Variants in MTMR6 observed in about 807,000 individuals in gnomAD.
MTMR6 encodes phosphatidylinositol-3,5-bisphosphate 3-phosphatase MTMR6.
Under a neutral mutation model 80.1 loss-of-function variants are expected in MTMR6, and 47 were observed. That is an observed-to-expected ratio of 0.59 (90% CI 0.46 to 0.75). The LOEUF is 0.75. Among genes scored for constraint, MTMR6 ranks in the 30% least tolerant of loss-of-function variants. MTMR6 has a pLI of 0.00. For synonymous variants in MTMR6, 254 were observed against 253.0 expected (o/e 1.00, Z -0.04); for missense variants, 629 against 730.9 (o/e 0.86, Z 1.61).
At chr13:25,268,741 G>A (rs1190004445) in intron 2 of MTMR6, among the ~76,000 whole-genome samples, 1 of 152,152 alleles carries the variant, frequency 6.6e-6, no homozygotes, top group African/African-American at 2.4e-5. Flanking sequence ...TGCAGAGCAG[G>A]CAAGACCTGG....
rs1439904367 is a variant in MTMR6, at chr13:25,261,721, T to G, written c.673A>C (p.Ser225Arg). Residue 225 changes from serine (S) to arginine (R), a missense_variant, in exon 6 of 14, where the codon AGT becomes CGT. Ser to Arg is a moderately radical substitution (Grantham distance 110). Coordinates refer to ENST00000381801, the MANE Select transcript of MTMR6 (RefSeq NM_004685.5). Reference protein sequence around the residue: ...LEDEHLLQAISKANPVNRYMY... With the variant: ...LEDEHLLQAIRKANPVNRYMY... The stretch of plus-strand genomic sequence containing the variant: ...TAGCGATTGACTGGATTGGCTTTAC[T>G]AATGGCTTGAAGCAAATGTTCATCC... 1 of 1,613,910 alleles carries G rather than the reference T, an allele frequency of 6.2e-7. No homozygotes were observed. The highest frequency in any genetic ancestry group is 2.2e-5 in the East Asian group (1 of 44,846).
At chr13:25,285,389 G>T (rs1300264886) in intron 1 of MTMR6, among the ~76,000 whole-genome samples, 6 of 67,538 alleles carry the variant, frequency 8.9e-5, no homozygotes, top group South Asian at 6.2e-4. Context: ...ATTCTTTTCC[G>T]CCCCCCCCCC....
At chr13:25,270,612 G>A (rs1957552049) in intron 2 of MTMR6, among the ~76,000 whole-genome samples, 1 of 152,196 alleles carries the variant, frequency 6.6e-6, no homozygotes, top group African/African-American at 2.4e-5. Context: ...AATTATTTCA[G>A]AAGGTACTGC....
intron 2 of MTMR6, among the ~76,000 whole-genome samples, chr13:25,268,643 C>A (rs1464509149): frequency 6.6e-6 from 1 of 152,166 alleles, no homozygotes; most frequent in Non-Finnish European, 1.5e-5. Context: ...TTTCTTCCTG[C>A]AGATCAAGCT....
In MTMR6 at chr13:25,249,482, T is replaced by A. The variant is rs1353339690; in HGVS notation, c.1616A>T (p.Gln539Leu). The A allele has an allele frequency of 1.9e-6, 3 of 1,611,030 alleles. No individual in the cohort carries two copies. The highest frequency in any genetic ancestry group is 2.5e-6 in the Non-Finnish European group (3 of 1,177,644). The change falls in exon 14 of 14, where the codon CAA (glutamine) becomes CTA (leucine). Residue 539 changes from glutamine (Q) to leucine (L), a missense_variant. Transcript: ENST00000381801. ...DIKDLESKIK[Q>L]RKNKQTDGIL... The stretch of plus-strand genomic sequence containing the variant: ...GCCATCTGTTTGCTTATTTTTGCGT[T>A]GTTTAATTTTCTAGAACAAACACAA...
chr13:25,274,583 T>C (rs1957664476), intron 1 of MTMR6, among the ~76,000 whole-genome samples: 1 of 152,118 alleles, frequency 6.6e-6, no homozygotes, highest in African/African-American at 2.4e-5. Context: ...AAAAATTAAA[T>C]CAGGAAACAT....
chr13:25,275,996 G>A (rs1197451476), intron 1 of MTMR6, among the ~76,000 whole-genome samples: 4 of 151,848 alleles, frequency 2.6e-5, no homozygotes, highest in African/African-American at 9.7e-5. Flanking sequence ...CACTGTTTAG[G>A]ACTATTTCTC....
intron 1 of MTMR6, among the ~76,000 whole-genome samples, chr13:25,274,467 C>A (rs1486758352): frequency 6.6e-6 from 1 of 151,960 alleles, no homozygotes; most frequent in Admixed American, 6.6e-5. Flanking sequence ...GGGTACAGTA[C>A]AAATAAGCAA....
chr13:25,280,778 T>C (rs75154104), intron 1 of MTMR6, among the ~76,000 whole-genome samples: 2,598 of 152,136 alleles, frequency 0.017, 80 homozygotes, highest in African/African-American at 0.057. Context: ...AAAAAAAGAC[T>C]TTGGGAAAAG....
intron 1 of MTMR6, among the ~76,000 whole-genome samples, chr13:25,274,999 C>G (rs1455905131): frequency 6.8e-6 from 1 of 147,180 alleles, no homozygotes; most frequent in African/African-American, 2.5e-5. Flanking sequence ...CACACACACA[C>G]ACACACACTA....
chr13:25,249,695 T>C (rs1593139597), intron 13 of MTMR6, among the ~76,000 whole-genome samples: 2 of 152,166 alleles, frequency 1.3e-5, no homozygotes, highest in Admixed American at 1.3e-4. Context: ...AAATTGTTAG[T>C]TTTTATATTT....
At chr13:25,274,317 T>C (rs1957656853) in intron 1 of MTMR6, 130 bp from the exon 2 acceptor site, 1 of 565,598 alleles carries the variant, frequency 1.8e-6, no homozygotes, top group South Asian at 2.4e-5. Context: ...ATTTAATACT[T>C]ACTGTTAAAT....
chr13:25,265,514 G>A (rs1957435773), intron 5 of MTMR6, among the ~76,000 whole-genome samples: 1 of 152,158 alleles, frequency 6.6e-6, no homozygotes, highest in Non-Finnish European at 1.5e-5. Flanking sequence ...GGTTAAGGCA[G>A]GTGGATCACT....
chr13:25,267,829 T>C lies in MTMR6; in HGVS notation c.254A>G (p.Glu85Gly), dbSNP rs1434126621. Residue 85 changes from glutamate to glycine, a missense_variant, in exon 3 of 14, where the codon GAA (glutamate) becomes GGA (glycine). Glu to Gly is a moderately conservative substitution (Grantham distance 98). Transcript: ENST00000381801. ...GTTGTAAATATCATGGCAATCTCTTTCTCTGGGAACAATGAAATGCACAGT... is the reference window on the plus strand; with the variant it reads ...GTTGTAAATATCATGGCAATCTCTTCCTCTGGGAACAATGAAATGCACAGT... ...FRTVHFIVPR[E>G]RDCHDIYNSL... The C allele has an allele frequency of 1.2e-6, 2 of 1,613,828 alleles. No individual in the cohort carries two copies. Among genetic ancestry groups the C allele is most frequent in the East Asian group, 2.2e-5 (1 of 44,870 alleles).
intron 1 of MTMR6, among the ~76,000 whole-genome samples, chr13:25,278,437 T>C (rs1018148004): frequency 6.0e-5 from 9 of 151,082 alleles, no homozygotes; most frequent in African/African-American, 1.9e-4. Flanking sequence ...ACTAAACATA[T>C]AAAAATTAGC....
intron 6 of MTMR6, among the ~76,000 whole-genome samples, chr13:25,259,846 A>C (rs1362399502): frequency 6.6e-6 from 1 of 152,056 alleles, no homozygotes; most frequent in African/African-American, 2.4e-5. Context: ...TTTTAATAAA[A>C]GATTATCAAG....
chr13:25,272,355 G>A (rs1249842538), intron 2 of MTMR6, among the ~76,000 whole-genome samples: 3 of 151,952 alleles, frequency 2.0e-5, no homozygotes, highest in Non-Finnish European at 2.9e-5. Flanking sequence ...AAACAGAGAA[G>A]ACAAGCCACA....
At chr13:25,278,243 G>A (rs1228137125) in intron 1 of MTMR6, among the ~76,000 whole-genome samples, 1 of 152,142 alleles carries the variant, frequency 6.6e-6, no homozygotes, top group Non-Finnish European at 1.5e-5. Context: ...AACAGCCTCA[G>A]CTTATCTATT....
chr13:25,285,516 G>T (rs1957938194), intron 1 of MTMR6, among the ~76,000 whole-genome samples: 1 of 149,716 alleles, frequency 6.7e-6, no homozygotes, highest in Non-Finnish European at 1.5e-5. Context: ...GGGACTACAG[G>T]TACATACCAC....
Sources: allele counts gnomAD v4.1 joint callset (sites outside exome capture counted in the v4.1 genomes callset), GRCh38; gene constraint gnomAD v4.1.1; transcripts MANE v1.5; gene names NCBI Gene and HGNC (gene_info 2026-07-23, HGNC 2026-07-21).